ADARB2: variants seen among roughly 807,000 people sequenced by gnomAD.
The protein encoded by ADARB2 is adenosine deaminase RNA specific B2 (inactive), also known as inactive double-stranded RNA-specific editase B2.
Under a neutral mutation model 62.2 loss-of-function variants are expected in ADARB2, and 25 were observed. That is an observed-to-expected ratio of 0.40 (90% CI 0.29 to 0.56). The LOEUF is 0.56. ADARB2 is among the 20% of genes least tolerant of loss of function. ADARB2 has a pLI of 0.43. For synonymous variants in ADARB2, 572 were observed against 500.8 expected (o/e 1.14, Z -1.90); for missense variants, 1,071 against 1,077.4 (o/e 0.99, Z 0.08).
chr10:1,271,819 C>T (rs1340378913), intron 3 of ADARB2, among the ~76,000 whole-genome samples: 1 of 152,192 alleles, frequency 6.6e-6, no homozygotes, highest in Non-Finnish European at 1.5e-5. Flanking sequence ...GACATGGGGC[C>T]CCAAGCTTTT....
At chr10:1,354,894 C>A (rs1832179455) in intron 3 of ADARB2, among the ~76,000 whole-genome samples, 1 of 152,218 alleles carries the variant, frequency 6.6e-6, no homozygotes, top group Non-Finnish European at 1.5e-5. Flanking sequence ...TACAGAGCCA[C>A]CTTCCCATGG....
intron 1 of ADARB2, among the ~76,000 whole-genome samples, chr10:1,575,539 G>T (rs1018446023): frequency 1.3e-5 from 2 of 152,200 alleles, no homozygotes; most frequent in Admixed American, 1.3e-4. Context: ...GAGGGGCCCT[G>T]GAGCCCCTTC....
At chr10:1,356,386 G>A (rs145249332) in intron 3 of ADARB2, among the ~76,000 whole-genome samples, 94 of 152,308 alleles carry the variant, frequency 6.2e-4, no homozygotes, top group South Asian at 2.3e-3. Flanking sequence ...GTGGAAGGGC[G>A]TCCTGGGGAC....
chr10:1,592,273 C>A (rs1274688943), intron 1 of ADARB2, among the ~76,000 whole-genome samples: 1 of 151,508 alleles, frequency 6.6e-6, no homozygotes, highest in Non-Finnish European at 1.5e-5. Flanking sequence ...CCAAGCCACA[C>A]TCTGTAGGTC....
rs540584062 is a variant in ADARB2, at chr10:1,602,995, AACAC to A, written c.100+134052_100+134055del. Among the ~76,000 whole-genome samples, 401 of 149,762 alleles carry A rather than the reference AACAC, an allele frequency of 2.7e-3. 3 individuals are homozygous for A. Among genetic ancestry groups the A allele is most frequent in the African/African-American group, 9.2e-3 (373 of 40,730 alleles). On this transcript the variant is annotated intron_variant, in intron 1 of 9. Coordinates refer to ENST00000381312, the MANE Select transcript of ADARB2 (RefSeq NM_018702.4). ...ACACATCAACACGTGCACACACACC[AACAC>A]ACACAACTGTACACACACATACACA...
chr10:1,532,985 T>C (rs1832269482), intron 1 of ADARB2, among the ~76,000 whole-genome samples: 2 of 152,184 alleles, frequency 1.3e-5, no homozygotes, highest in Admixed American at 1.3e-4. Context: ...AACCGCATCC[T>C]GTGTGTTACT....
intron 1 of ADARB2, among the ~76,000 whole-genome samples, chr10:1,402,264 G>A (rs899711660): frequency 2.6e-5 from 4 of 152,178 alleles, no homozygotes; most frequent in Non-Finnish European, 4.4e-5. Flanking sequence ...ACGCGTGCGC[G>A]CGCCGGTCTG....
At chr10:1,411,372 G>A (rs1832758369) in intron 1 of ADARB2, among the ~76,000 whole-genome samples, 1 of 152,206 alleles carries the variant, frequency 6.6e-6, no homozygotes, top group Non-Finnish European at 1.5e-5. Context: ...ACCAGCCCAG[G>A]GCGGGACCAG....
At chr10:1,648,436 T>C (rs1486184533) in intron 1 of ADARB2, among the ~76,000 whole-genome samples, 1 of 152,162 alleles carries the variant, frequency 6.6e-6, no homozygotes, top group Non-Finnish European at 1.5e-5. Flanking sequence ...CTGGCTCAAC[T>C]GCTTGTTTTA....
Position 1,717,690 on chromosome 10 carries a change from G to A in ADARB2, c.100+19361C>T, listed in dbSNP as rs571354016. On this transcript the variant is annotated intron_variant, in intron 1 of 9. Transcript: ENST00000381312. ...CCTCCCGGGTTCAGGAGATTCTCCC[G>A]CCCCAGACTCCCGAGTAGCTGGGAC... is the stretch of plus-strand genomic sequence containing the variant. 2.8e-4 allele frequency among the ~76,000 whole-genome samples: 42 copies of A among 151,804 alleles called. No individual in the cohort carries two copies. The South Asian group carries it at 2.9e-3, about 11-fold the overall frequency.
At chr10:1,472,282 G>C (rs774495040) in intron 1 of ADARB2, among the ~76,000 whole-genome samples, 10 of 152,258 alleles carry the variant, frequency 6.6e-5, no homozygotes, top group Non-Finnish European at 1.5e-4. Context: ...TGAGGGGCAA[G>C]GGTGGCCACA....
intron 1 of ADARB2, among the ~76,000 whole-genome samples, chr10:1,475,950 T>C (rs1280696890): frequency 1.3e-5 from 2 of 152,264 alleles, no homozygotes; most frequent in African/African-American, 2.4e-5. Context: ...CGAGTCTAGA[T>C]GGCAGTCTTT....
chr10:1,390,430 T>C (rs1392205571), intron 1 of ADARB2, among the ~76,000 whole-genome samples: 1 of 152,260 alleles, frequency 6.6e-6, no homozygotes, highest in African/African-American at 2.4e-5. Context: ...GTGCGGTTTG[T>C]ACATTTTGCT....
chr10:1,657,733 T>G (rs1834189672), intron 1 of ADARB2, among the ~76,000 whole-genome samples: 1 of 152,224 alleles, frequency 6.6e-6, no homozygotes, highest in Admixed American at 6.5e-5. Flanking sequence ...CCAGGGGCCA[T>G]GGTGAGAGCT....
chr10:1,580,676 C>G (rs2813384), intron 1 of ADARB2, among the ~76,000 whole-genome samples: 2 of 151,840 alleles, frequency 1.3e-5, no homozygotes, highest in Non-Finnish European at 2.9e-5. Context: ...GGGCTTGGAC[C>G]GGTGGAGAGT....
At chr10:1,186,196 C>T (rs182757444) in intron 8 of ADARB2, among the ~76,000 whole-genome samples, 6 of 152,332 alleles carry the variant, frequency 3.9e-5, no homozygotes, top group South Asian at 2.1e-4. Flanking sequence ...GGCTATGGGA[C>T]GCCAGAGGCA....
intron 1 of ADARB2, among the ~76,000 whole-genome samples, chr10:1,492,730 G>A (rs530073432): frequency 6.6e-5 from 10 of 152,106 alleles, no homozygotes; most frequent in Admixed American, 5.2e-4. Context: ...GGGGGACCCC[G>A]GCCTTCTGAG....
Position 1,329,743 on chromosome 10 carries a change from T to C in ADARB2, c.1077+33285A>G, listed in dbSNP as rs565020885. ...CCTGCCAGGCACTGGTCCCTGATTCTGGAGCCGCGAACCACCTGGGGGCTT... is the reference window on the plus strand; with the variant it reads ...CCTGCCAGGCACTGGTCCCTGATTCCGGAGCCGCGAACCACCTGGGGGCTT... On this transcript the variant is annotated intron_variant, in intron 3 of 9. Transcript: ENST00000381312. 2.0e-5 allele frequency among the ~76,000 whole-genome samples: 3 copies of C among 152,294 alleles called. No homozygotes were observed. In the South Asian group the frequency reaches 6.2e-4, roughly 32 times the overall value.
intron 3 of ADARB2, among the ~76,000 whole-genome samples, chr10:1,315,353 G>A (rs1312998540): frequency 6.6e-6 from 1 of 152,190 alleles, no homozygotes; most frequent in African/African-American, 2.4e-5. Context: ...TTGCTGCTGG[G>A]GCACCCAGCA....
Sources: allele counts gnomAD v4.1 joint callset (sites outside exome capture counted in the v4.1 genomes callset), GRCh38; gene constraint gnomAD v4.1.1; transcripts MANE v1.5; gene names NCBI Gene and HGNC (gene_info 2026-07-23, HGNC 2026-07-21).